NR2C1: variants seen among roughly 807,000 people sequenced by gnomAD.
NR2C1 encodes nuclear receptor subfamily 2 group C member 1, also known as TR2 nuclear hormone receptor.
A neutral mutation model predicts 74.8 loss-of-function variants in NR2C1; 33 were observed. The observed-to-expected ratio is 0.44, with a 90% CI of 0.33 to 0.59. The LOEUF (loss-of-function observed/expected upper bound fraction) is 0.59, where lower values mean the gene tolerates loss of function less well. NR2C1 is among the 20% of genes least tolerant of loss of function. The pLI, the probability that NR2C1 is intolerant of heterozygous loss-of-function variation, is 0.02. For synonymous variants in NR2C1, 225 were observed against 240.6 expected (o/e 0.94, Z 0.60); for missense variants, 568 against 715.6 (o/e 0.79, Z 2.35).
At chr12:95,042,330 CTCCCCAGTA>C (rs951204804) in intron 9 of NR2C1, among the ~76,000 whole-genome samples, 1 of 151,646 alleles carries the variant, frequency 6.6e-6, no homozygotes, top group African/African-American at 2.4e-5. Context: ...CTTCCTCAGC[CTCCCCAGTA>C]GCTGGGACTA....
Position 95,049,266 on chromosome 12 carries a change from C to G in NR2C1, c.966-33G>C, listed in dbSNP as rs753362493. 3.8e-6 allele frequency: 6 copies of G among 1,577,690 alleles called. No individual in the cohort carries two copies. In the South Asian group the frequency reaches 6.9e-5, roughly 18 times the overall value. ...AAGACATCAGAAGCTATGAGCTTGA[C>G]CAAACACCGCAATAAAATAACAATT... is the stretch of plus-strand genomic sequence containing the variant. On this transcript the variant is annotated intron_variant, in intron 8 of 13. Transcript: ENST00000333003.
intron 2 of NR2C1, chr12:95,067,114 T>A: frequency 1.8e-6 from 1 of 569,732 alleles, no homozygotes; most frequent in Non-Finnish European, 3.1e-6. Flanking sequence ...TCAATTTTCT[T>A]CTGTGCTCCC....
rs141362814 is a variant in NR2C1 at position 95,027,608 on chromosome 12, T to A, written c.1531+779A>T. Reference sequence around the variant, plus strand: ...AAAATGAACTGGGTGTGGTGGTACATGCCTGTAATCCCAGCTACTGGGGAG... The same window carrying A: ...AAAATGAACTGGGTGTGGTGGTACAAGCCTGTAATCCCAGCTACTGGGGAG... On this transcript the variant is annotated intron_variant, in intron 12 of 13. Coordinates refer to ENST00000333003, the MANE Select transcript of NR2C1 (RefSeq NM_003297.4). Among the ~76,000 whole-genome samples the A allele has an allele frequency of 9.5e-3, 1,449 of 152,180 alleles. 23 individuals are homozygous for A. The highest frequency in any genetic ancestry group is 0.032 in the African/African-American group (1,333 of 41,516).
In NR2C1 at chr12:95,049,054, A is replaced by C. The variant is rs766131800; in HGVS notation, c.1131+14T>G. ...CAACACAACATACAAGTTAAAAAAA[A>C]CATATAGAAATACCCTGAAAGCTAC... On this transcript the variant is annotated intron_variant, in intron 9 of 13. Transcript: ENST00000333003. 6.2e-7 allele frequency: 1 copy of C among 1,608,368 alleles called. No individual in the cohort carries two copies. Among genetic ancestry groups the C allele is most frequent in the Non-Finnish European group, 8.5e-7 (1 of 1,177,140 alleles).
At chr12:95,066,703 ATTGAG>A (rs1875756768) in intron 2 of NR2C1, among the ~76,000 whole-genome samples, 1 of 152,216 alleles carries the variant, frequency 6.6e-6, no homozygotes, top group Non-Finnish European at 1.5e-5. Flanking sequence ...GCAATGATTC[ATTGAG>A]TTATGTACAC....
At chr12:95,041,030 A>G (rs1488884208) in intron 9 of NR2C1, among the ~76,000 whole-genome samples, 1 of 152,212 alleles carries the variant, frequency 6.6e-6, no homozygotes, top group Non-Finnish European at 1.5e-5. Context: ...AAGGAGTGCA[A>G]CAGGCTTGCT....
intron 7 of NR2C1, 29 bp from the exon 8 acceptor site, chr12:95,051,972 T>C: frequency 6.9e-7 from 1 of 1,441,302 alleles, no homozygotes; most frequent in Non-Finnish European, 9.4e-7. Context: ...TAAAATTCTG[T>C]GAATTGGTAT....
intron 3 of NR2C1, among the ~76,000 whole-genome samples, 187 bp downstream of exon 3, chr12:95,062,321 T>C (rs1344874193): frequency 2.0e-5 from 3 of 152,166 alleles, no homozygotes; most frequent in Admixed American, 6.5e-5. Flanking sequence ...CCCCAAAATA[T>C]ATGAGTGTGA....
intron 10 of NR2C1, among the ~76,000 whole-genome samples, chr12:95,032,919 G>T (rs936479293): frequency 6.6e-6 from 1 of 152,126 alleles, no homozygotes; most frequent in African/African-American, 2.4e-5. Flanking sequence ...GGTGAGCTGT[G>T]ATCACACCAC....
intron 13 of NR2C1, 30 bp from the exon 14 acceptor site, chr12:95,022,433 A>G (rs1372813656): frequency 1.3e-6 from 2 of 1,558,432 alleles, no homozygotes; most frequent in Admixed American, 4.0e-5. Context: ...AGGGAGAGGA[A>G]CAAGGTTGTA....
At chr12:95,052,725 C>T (rs1048753972) in intron 7 of NR2C1, among the ~76,000 whole-genome samples, 1 of 151,994 alleles carries the variant, frequency 6.6e-6, no homozygotes, top group Non-Finnish European at 1.5e-5. Context: ...AGTACAATTT[C>T]TAAAACTTAC....
rs1021499352 is a variant in NR2C1 at position 95,020,588 on chromosome 12, A to C, written c.*1641T>G. On this transcript the variant is annotated 3_prime_UTR_variant, in exon 14 of 14. Coordinates refer to ENST00000333003, the MANE Select transcript of NR2C1 (RefSeq NM_003297.4). ...AAAGACTGTAAGTTGATATTTTCAA[A>C]CTTTTGATTACTATAAAGTAGTAAG... The C allele has an allele frequency of 1.1e-4, 16 of 152,198 alleles. No homozygotes were observed. Among genetic ancestry groups the C allele is most frequent in the African/African-American group, 3.9e-4 (16 of 41,452 alleles). 9.4% of individuals were successfully genotyped at this position (152,198 alleles called of 1,614,324 possible). A position where few individuals can be genotyped will look rare whatever the true frequency, so the allele number is the denominator to read the frequency against.
chr12:95,046,054 G>C lies in NR2C1; in HGVS notation c.1131+3014C>G, dbSNP rs188045082. On this transcript the variant is annotated intron_variant, in intron 9 of 13. Coordinates refer to ENST00000333003, the MANE Select transcript of NR2C1 (RefSeq NM_003297.4). ...GGGATTTCGTCATGTTGGCCAGGCT[G>C]GTCTCGAACTCCTGACCTCAGGTGA... Among the ~76,000 whole-genome samples the C allele has an allele frequency of 2.0e-5, 3 of 152,188 alleles. 1 individual carries two copies. Among genetic ancestry groups the C allele is most frequent in the African/African-American group, 7.2e-5 (3 of 41,522 alleles).
intron 2 of NR2C1, among the ~76,000 whole-genome samples, chr12:95,064,632 T>C (rs1875375475): frequency 6.6e-6 from 1 of 152,190 alleles, no homozygotes; most frequent in Non-Finnish European, 1.5e-5. Flanking sequence ...AGGACAGAAC[T>C]GCCATCTGCC....
intron 13 of NR2C1, 45 bp from the exon 14 acceptor site, chr12:95,022,448 A>G (rs377302592): frequency 2.7e-5 from 39 of 1,467,460 alleles, no homozygotes; most frequent in Non-Finnish European, 3.3e-5. Context: ...GTTGTAAACC[A>G]GAAAGAAATT....
chr12:95,053,114 C>T (rs564229630), intron 7 of NR2C1, among the ~76,000 whole-genome samples: 6 of 151,998 alleles, frequency 3.9e-5, no homozygotes, highest in South Asian at 2.1e-4. Context: ...CTCCTGACTA[C>T]GGGCGCATAC....
intron 9 of NR2C1, among the ~76,000 whole-genome samples, chr12:95,046,378 G>A (rs1397160992): frequency 6.6e-6 from 1 of 152,140 alleles, no homozygotes; most frequent in Non-Finnish European, 1.5e-5. Flanking sequence ...TTGAGGCCAG[G>A]AGTATAAGAT....
chr12:95,071,325 C>T (rs950078185), intron 1 of NR2C1, among the ~76,000 whole-genome samples: 8 of 152,108 alleles, frequency 5.3e-5, no homozygotes, highest in African/African-American at 1.9e-4. Context: ...CTGTTAACTC[C>T]TAATACTGTC....
At chr12:95,059,839 C>T in intron 4 of NR2C1, 67 bp downstream of exon 4, 1 of 1,139,962 alleles carries the variant, frequency 8.8e-7, no homozygotes, top group Non-Finnish European at 1.3e-6. Context: ...GTAGTTATTT[C>T]AACAACACGA....
Sources: gnomAD v4.1 joint callset for allele counts (sites outside exome capture counted in the v4.1 genomes callset) on GRCh38, gnomAD v4.1.1 for gene constraint, MANE v1.5 for transcripts, NCBI Gene and HGNC (gene_info 2026-07-23, HGNC 2026-07-21) for gene names.